The following PLEKHG4B variants were observed in gnomAD, a reference collection of about 807,000 sequenced individuals.
PLEKHG4B encodes the protein pleckstrin homology and RhoGEF domain containing G4B.
A neutral mutation model predicts 121.3 loss-of-function variants in PLEKHG4B; 111 were observed. That is an observed-to-expected ratio of 0.92 (90% CI 0.78 to 1.07). PLEKHG4B has a LOEUF of 1.07. Among genes scored for constraint, PLEKHG4B ranks in the 50% least tolerant of loss-of-function variants. PLEKHG4B has a pLI of 0.00. For missense variants in PLEKHG4B, 1,831 were observed against 1,757.8 expected (o/e 1.04, Z -0.74); for synonymous variants, 738 against 725.0 (o/e 1.02, Z -0.29).
At chr5:152,565 A>G (rs557995639) in intron 7 of PLEKHG4B, among the ~76,000 whole-genome samples, 1 of 152,110 alleles carries the variant, frequency 6.6e-6, no homozygotes, top group African/African-American at 2.4e-5. Flanking sequence ...TAGTACTTCA[A>G]TTGCGTATAC....
chr5:143,191 A>G lies in PLEKHG4B; in HGVS notation c.1622A>G (p.Gln541Arg). ...CCCGGCACAGGAGACTTCCCCAGCC[A>G]GGTGCCCAAGCAGGTGCTGGACGTC... is the stretch of plus-strand genomic sequence containing the variant. ...WPPGTGDFPS[Q>R]VPKQVLDVSQ... Residue 541 changes from glutamine (Q) to arginine (R), a missense_variant, in exon 4 of 20, where the codon CAG (glutamine) becomes CGG (arginine). Gln to Arg is a conservative substitution (Grantham distance 43). Coordinates refer to ENST00000637938, the MANE Select transcript of PLEKHG4B (RefSeq NM_052909.5). The G allele has an allele frequency of 6.2e-7, 1 of 1,611,742 alleles. No individual in the cohort carries two copies. The highest frequency in any genetic ancestry group is 8.5e-7 in the Non-Finnish European group (1 of 1,180,014).
rs534349692 is a variant in PLEKHG4B at position 181,367 on chromosome 5, G to A, written c.4403-147G>A. The stretch of plus-strand genomic sequence containing the variant: ...CCGGAATGGGAAGCCTCAGCACCCT[G>A]GCCCCCCATGCCCCTCGTGGGGCAG... On this transcript the variant is annotated intron_variant, in intron 18 of 19. Transcript: ENST00000637938. 4.1e-5 allele frequency: 32 copies of A among 777,766 alleles called. No homozygotes were observed. In the East Asian group the frequency reaches 7.8e-4, roughly 19 times the overall value. The allele number at this position is 777,766 out of a possible 1,614,324, so 48.2% of individuals were successfully genotyped here.
chr5:175,132 T>C (rs1736717221), intron 18 of PLEKHG4B, among the ~76,000 whole-genome samples: 1 of 152,030 alleles, frequency 6.6e-6, no homozygotes, highest in South Asian at 2.1e-4. Context: ...TCTGGTTCCA[T>C]GTTTAACCCT....
chr5:98,772 C>T (rs865853083), intron 1 of PLEKHG4B, among the ~76,000 whole-genome samples: 152 of 146,876 alleles, frequency 1.0e-3, no homozygotes, highest in African/African-American at 3.7e-3. Context: ...CCCGCCCGGC[C>T]GATTACTGTA....
At chr5:97,122 CA>C (rs1184406572) in intron 1 of PLEKHG4B, among the ~76,000 whole-genome samples, 4 of 152,014 alleles carry the variant, frequency 2.6e-5, no homozygotes, top group Non-Finnish European at 5.9e-5. Context: ...CCTTACCTGT[CA>C]TTCAGGCTTC....
At chr5:130,740 T>G (rs1375690063) in intron 2 of PLEKHG4B, among the ~76,000 whole-genome samples, 1 of 152,190 alleles carries the variant, frequency 6.6e-6, no homozygotes, top group African/African-American at 2.4e-5. Flanking sequence ...ACAACTTGAG[T>G]GCACCGCTTA....
Position 187,892 on chromosome 5 carries a change from G to C in PLEKHG4B, c.*5569G>C, listed in dbSNP as rs1028174214. ...GGGGACCCTTGGCCCCAGGGTGGTC[G>C]TCTTCCCAGGAGGTCCGCCTGTCAG... On this transcript the variant is annotated 3_prime_UTR_variant, in exon 20 of 20. Transcript: ENST00000637938. 6.6e-6 allele frequency: 1 copy of C among 152,266 alleles called. No homozygotes were observed. Among genetic ancestry groups the C allele is most frequent in the Non-Finnish European group, 1.5e-5 (1 of 68,098 alleles). The allele number at this position is 152,266 out of a possible 1,614,324, so 9.4% of individuals were successfully genotyped here.
At position 159,852 on chromosome 5, in the gene PLEKHG4B, G is replaced by A. The variant is rs920875682; in HGVS notation, c.2488-1931G>A. Among the ~76,000 whole-genome samples, 4 of 151,908 alleles carry A rather than the reference G, an allele frequency of 2.6e-5. No homozygotes were observed. The highest frequency in any genetic ancestry group is 2.4e-5 in the African/African-American group (1 of 41,346). On this transcript the variant is annotated intron_variant, in intron 11 of 19. Transcript: ENST00000637938. This position sits in a 1 kb window ranked among gnomAD's most constrained non-coding sequence, Gnocchi z 5.5. ...CGACACTCCCTCACCCTGTCCTGTG[G>A]AGTCTCGGGACTTGGCCTCTGCTCT...
At chr5:131,114 C>A (rs1734763760) in intron 2 of PLEKHG4B, among the ~76,000 whole-genome samples, 1 of 131,264 alleles carries the variant, frequency 7.6e-6, no homozygotes, top group Non-Finnish European at 1.6e-5. Flanking sequence ...GAAGAAGCTG[C>A]TTCCTTTTTT....
chr5:96,277 T>C (rs1579226379), intron 1 of PLEKHG4B, among the ~76,000 whole-genome samples: 2 of 152,272 alleles, frequency 1.3e-5, no homozygotes, highest in Non-Finnish European at 2.9e-5. Context: ...CAGGAACTGC[T>C]CAATAAATGT....
intron 2 of PLEKHG4B, among the ~76,000 whole-genome samples, chr5:133,969 T>A (rs570696231): frequency 6.8e-6 from 1 of 146,956 alleles, no homozygotes; most frequent in Non-Finnish European, 1.5e-5. Flanking sequence ...TATATATATA[T>A]GAGATGGACT....
Position 161,895 on chromosome 5 carries a change from G to A in PLEKHG4B, c.2600G>A (p.Arg867Lys). The A allele has an allele frequency of 6.2e-7, 1 of 1,613,596 alleles. No individual in the cohort carries two copies. The highest frequency in any genetic ancestry group is 8.5e-7 in the Non-Finnish European group (1 of 1,180,006). ...GCCGTGGTCAGCCAGGCTGAGTGCA[G>A]GGAGGGAGAGCTGGCCAGGTGGACC... Reference protein sequence around the residue: ...LSAVVSQAECREGELARWTRS... With the variant: ...LSAVVSQAECKEGELARWTRS... The change falls in exon 12 of 20, where the codon AGG (arginine) becomes AAG (lysine). Residue 867 changes from arginine to lysine, a missense_variant. By Grantham distance (26) the Arg-to-Lys change is conservative. Transcript: ENST00000637938.
At chr5:92,508 G>A (rs1158584654) in intron 1 of PLEKHG4B, among the ~76,000 whole-genome samples, 2 of 121,168 alleles carry the variant, frequency 1.7e-5, no homozygotes, top group African/African-American at 6.7e-5. Flanking sequence ...GGGTGAAGGC[G>A]CGAGCATCAA....
chr5:141,812 C>G (rs1735215298), intron 3 of PLEKHG4B, among the ~76,000 whole-genome samples: 1 of 149,234 alleles, frequency 6.7e-6, no homozygotes, highest in Non-Finnish European at 1.5e-5. Flanking sequence ...GATGTAGGCT[C>G]CAGCAAGTAG....
chr5:173,540 G>A (rs1181873365), intron 17 of PLEKHG4B, among the ~76,000 whole-genome samples: 1 of 152,038 alleles, frequency 6.6e-6, no homozygotes, highest in Non-Finnish European at 1.5e-5. Flanking sequence ...CTCATGCATA[G>A]CCTTGCACAC....
At chr5:152,298 ACTC>A (rs1168246991) in intron 7 of PLEKHG4B, among the ~76,000 whole-genome samples, 2 of 150,628 alleles carry the variant, frequency 1.3e-5, no homozygotes, top group African/African-American at 4.9e-5. Context: ...GTAATCTCAA[ACTC>A]CTGGGCTCAA....
rs1735810157 is a variant in PLEKHG4B at position 157,102 on chromosome 5, G to C, written c.2487+191G>C. On this transcript the variant is annotated intron_variant, in intron 11 of 19. Coordinates refer to ENST00000637938, the MANE Select transcript of PLEKHG4B (RefSeq NM_052909.5). The surrounding 1 kb of genome is among the most constrained non-coding windows in gnomAD (Gnocchi z 4.6). ...AATAAATTTTATTTTTTACGTGAGA[G>C]ATACTGGATCAGTGGAGAAAAAAAA... The C allele has an allele frequency of 1.1e-6, 1 of 874,242 alleles. No individual in the cohort carries two copies. Among genetic ancestry groups the C allele is most frequent in the Admixed American group, 2.5e-5 (1 of 40,060 alleles). The allele number at this position is 874,242 out of a possible 1,614,324, so 54.2% of individuals were successfully genotyped here.
chr5:178,803 G>A (rs948113326), intron 18 of PLEKHG4B, among the ~76,000 whole-genome samples: 14 of 152,248 alleles, frequency 9.2e-5, no homozygotes, highest in Admixed American at 3.3e-4. Context: ...ACTCCCCCAC[G>A]GATACCCAAA....
chr5:148,947 T>C (rs960847456), intron 6 of PLEKHG4B, among the ~76,000 whole-genome samples: 1 of 152,098 alleles, frequency 6.6e-6, no homozygotes, highest in Admixed American at 6.5e-5. Flanking sequence ...TTGAAAAGGG[T>C]ACCAAGACCA....
Sources: allele counts gnomAD v4.1 joint callset (sites outside exome capture counted in the v4.1 genomes callset), GRCh38; gene constraint gnomAD v4.1.1; non-coding constraint Gnocchi (gnomAD v3.1); transcripts MANE v1.5; gene names NCBI Gene and HGNC (gene_info 2026-07-23, HGNC 2026-07-21).